WDPCP: variants seen among roughly 807,000 people sequenced by gnomAD.
The protein encoded by WDPCP is WD repeat containing planar cell polarity effector, also known as WD repeat-containing and planar cell polarity effector protein fritz homolog.
WDPCP carries 71 observed loss-of-function variants against 93.1 expected under a neutral mutation model. The ratio of observed to expected loss-of-function variants is 0.76; its 90% CI spans 0.63 to 0.93. The LOEUF is 0.93. Ranked by LOEUF, WDPCP falls within the 40% of genes least tolerant of loss-of-function variation. The pLI is 0.00. For synonymous variants in WDPCP, 315 were observed against 315.0 expected, an observed-to-expected ratio of 1.00 and a Z score of 0.00; for missense variants, 844 against 887.4, an observed-to-expected ratio of 0.95 and a Z score of 0.62.
At chr2:63,369,608 T>C (rs1301881384) in intron 12 of WDPCP, 4 of 432,848 alleles carry the variant, frequency 9.2e-6, no homozygotes, top group East Asian at 7.0e-5. Flanking sequence ...ATGTCTAGGG[T>C]GAAGAAAAGT....
At chr2:63,785,485 C>T (rs1670454169) in intron 2 of WDPCP, among the ~76,000 whole-genome samples, 1 of 152,048 alleles carries the variant, frequency 6.6e-6, no homozygotes, top group Admixed American at 6.6e-5. Flanking sequence ...ATATTATATA[C>T]ATTTACTTTT....
chr2:63,143,939 G>T (rs1309515597), intron 17 of WDPCP, among the ~76,000 whole-genome samples: 1 of 152,180 alleles, frequency 6.6e-6, no homozygotes, highest in Non-Finnish European at 1.5e-5. Flanking sequence ...TTTTTGCAAT[G>T]AATTTTCCAG....
At chr2:63,256,151 CCACT>C (rs1487619514) in intron 14 of WDPCP, among the ~76,000 whole-genome samples, 1 of 152,082 alleles carries the variant, frequency 6.6e-6, no homozygotes, top group Non-Finnish European at 1.5e-5. Context: ...ATTTCAGCCC[CCACT>C]GTTTTTGTTT....
intron 12 of WDPCP, among the ~76,000 whole-genome samples, chr2:63,375,479 G>A (rs190975522): frequency 1.1e-4 from 16 of 151,778 alleles, no homozygotes; most frequent in African/African-American, 3.1e-4. Flanking sequence ...TATCTTTAAC[G>A]TTAGGAGCTT....
At chr2:63,213,618 A>AAGAAC (rs1289469336) in intron 14 of WDPCP, among the ~76,000 whole-genome samples, 2 of 152,222 alleles carry the variant, frequency 1.3e-5, no homozygotes, top group African/African-American at 4.8e-5. Flanking sequence ...AGAAATAACT[A>AAGAAC]AGAACAGAAC....
chr2:63,581,327 A>G (rs1024290631), intron 1 of WDPCP, among the ~76,000 whole-genome samples: 24 of 152,226 alleles, frequency 1.6e-4, no homozygotes, highest in Admixed American at 1.6e-3. Context: ...AGAATCATAC[A>G]GAGAGAACTC....
intron 9 of WDPCP, among the ~76,000 whole-genome samples, chr2:63,418,693 A>C (rs1695610831): frequency 6.6e-6 from 1 of 152,242 alleles, no homozygotes; most frequent in South Asian, 2.1e-4. Context: ...TAACAAAGGC[A>C]TGGTGAAAAG....
At chr2:63,594,683 G>A in intron 3 of WDPCP, 1 of 846,500 alleles carries the variant, frequency 1.2e-6, no homozygotes. Context: ...AACAGTGAAG[G>A]AATATGTAAT....
chr2:63,336,002 C>T (rs1303774039), intron 12 of WDPCP, among the ~76,000 whole-genome samples: 1 of 152,172 alleles, frequency 6.6e-6, no homozygotes, highest in Non-Finnish European at 1.5e-5. Context: ...CAGGAAGTTA[C>T]CCTATATGGT....
At chr2:63,402,322 G>A (rs1439814559) in intron 10 of WDPCP, among the ~76,000 whole-genome samples, 2 of 152,060 alleles carry the variant, frequency 1.3e-5, no homozygotes. Flanking sequence ...GTTGGGGGTG[G>A]GGAGCAAGGA....
At chr2:63,575,172 T>G (rs1193541501) in intron 1 of WDPCP, among the ~76,000 whole-genome samples, 1 of 151,430 alleles carries the variant, frequency 6.6e-6, no homozygotes, top group Non-Finnish European at 1.5e-5. Context: ...AAAACAGACT[T>G]GGGATCAATA....
intron 1 of WDPCP, among the ~76,000 whole-genome samples, chr2:63,573,147 A>C (rs1707656123): frequency 1.3e-5 from 2 of 151,974 alleles, no homozygotes; most frequent in Admixed American, 1.3e-4. Flanking sequence ...CAAGAGACTG[A>C]GACCAGGATC....
intron 14 of WDPCP, among the ~76,000 whole-genome samples, chr2:63,202,160 C>G (rs1205140546): frequency 6.6e-6 from 1 of 151,640 alleles, no homozygotes; most frequent in Non-Finnish European, 1.5e-5. Context: ...ATAACTCAAT[C>G]ATTTTATATA....
chr2:63,407,064 T>A (rs989561145), intron 9 of WDPCP, among the ~76,000 whole-genome samples: 3 of 152,114 alleles, frequency 2.0e-5, no homozygotes, highest in Non-Finnish European at 2.9e-5. Flanking sequence ...AATAAAAGCA[T>A]ATAGATATCC....
intron 17 of WDPCP, among the ~76,000 whole-genome samples, chr2:63,149,166 G>T (rs1455898627): frequency 2.6e-5 from 4 of 152,046 alleles, no homozygotes; most frequent in African/African-American, 7.2e-5. Flanking sequence ...CTACAAATCA[G>T]TGAGAAAAAG....
At chr2:63,130,841 A>G (rs954233005) in intron 17 of WDPCP, among the ~76,000 whole-genome samples, 3 of 152,070 alleles carry the variant, frequency 2.0e-5, no homozygotes, top group African/African-American at 4.8e-5. Context: ...TCTTTCTTCA[A>G]TTATGTTAAT....
chr2:63,500,835 T>C (rs1701504556), intron 1 of WDPCP, among the ~76,000 whole-genome samples: 1 of 152,238 alleles, frequency 6.6e-6, no homozygotes, highest in African/African-American at 2.4e-5. Flanking sequence ...ACATAACTAA[T>C]TGTCTATAAT....
chr2:63,152,973 A>C, intron 16 of WDPCP, 28 bp from the exon 17 acceptor site: 1 of 1,606,310 alleles, frequency 6.2e-7, no homozygotes, highest in Non-Finnish European at 8.5e-7. Flanking sequence ...AACATTAATT[A>C]TCTTAAAAGT....
chr2:63,285,781 C>T (rs1683951011), intron 13 of WDPCP, among the ~76,000 whole-genome samples: 2 of 152,150 alleles, frequency 1.3e-5, no homozygotes, highest in South Asian at 4.2e-4. Context: ...ATAGATTTTC[C>T]TATTTACTAG....
Sources: gnomAD v4.1 joint callset for allele counts (sites outside exome capture counted in the v4.1 genomes callset) on GRCh38, gnomAD v4.1.1 for gene constraint, MANE v1.5 for transcripts, NCBI Gene and HGNC (gene_info 2026-07-23, HGNC 2026-07-21) for gene names.